HDGFL3: variants seen among roughly 807,000 people sequenced by gnomAD.
HDGFL3 encodes HDGF like 3.
A neutral mutation model predicts 27.6 loss-of-function variants in HDGFL3; 6 were observed. That is an observed-to-expected ratio of 0.22 (90% CI 0.12 to 0.43). The LOEUF (loss-of-function observed/expected upper bound fraction) is 0.43, where lower values mean the gene tolerates loss of function less well. HDGFL3 is among the 20% of genes least tolerant of loss of function. The probability of loss-of-function intolerance (pLI) is 1.00; values close to 1 mark genes in which losing one functional copy is unlikely to be tolerated. For synonymous variants in HDGFL3, 88 were observed against 88.9 expected (o/e 0.99, Z 0.05); for missense variants, 207 against 250.1 (o/e 0.83, Z 1.16).
Position 83,132,325 on chromosome 15 carries a change from C to T in HDGFL3, c.*6945G>A, listed in dbSNP as rs558601398. On this transcript the variant is annotated 3_prime_UTR_variant, in exon 6 of 6. Coordinates refer to ENST00000299633, the MANE Select transcript of HDGFL3 (RefSeq NM_016073.4). ...AAATTAAGTGTATTGTATATAATTA[C>T]CAAGAAAACAAAGAAACTGGGTGAA... 1 of 152,126 alleles carries T rather than the reference C, an allele frequency of 6.6e-6. No individual in the cohort carries two copies. Among genetic ancestry groups the T allele is most frequent in the Non-Finnish European group, 1.5e-5 (1 of 68,022 alleles). The allele number at this position is 152,126 out of a possible 1,614,324, so 9.4% of individuals were successfully genotyped here.
chr15:83,145,330 A>G (rs1015087800), intron 5 of HDGFL3, among the ~76,000 whole-genome samples: 1 of 152,050 alleles, frequency 6.6e-6, no homozygotes, highest in Non-Finnish European at 1.5e-5. Context: ...GGGCCCCCTG[A>G]AAACCACGGT....
intron 2 of HDGFL3, among the ~76,000 whole-genome samples, chr15:83,158,936 C>T (rs548392510): frequency 8.5e-4 from 129 of 152,002 alleles, no homozygotes; most frequent in African/African-American, 2.8e-3. Flanking sequence ...CTCCATCTCC[C>T]GGGTTCAAGG....
chr15:83,179,126 C>G (rs967179789), intron 1 of HDGFL3: 1 of 152,194 alleles, frequency 6.6e-6, no homozygotes, highest in Admixed American at 6.5e-5. Flanking sequence ...CCTGTAGGAA[C>G]CAGGTGGTAC....
chr15:83,127,200 TAAATAAATA>T (rs2035845920), downstream of HDGFL3, among the ~76,000 whole-genome samples: 1 of 133,576 alleles, frequency 7.5e-6, no homozygotes, highest in Non-Finnish European at 1.6e-5. Flanking sequence ...CCTAAAAAAA[TAAATAAATA>T]AAAATAAAAG....
chr15:83,165,954 TA>T (rs1434542283), intron 1 of HDGFL3, among the ~76,000 whole-genome samples: 8 of 151,712 alleles, frequency 5.3e-5, no homozygotes, highest in Non-Finnish European at 2.9e-5. Flanking sequence ...CAGAATTATA[TA>T]AAATGACCAA....
At chr15:83,182,167 T>C (rs2037389324) in intron 1 of HDGFL3, among the ~76,000 whole-genome samples, 1 of 152,212 alleles carries the variant, frequency 6.6e-6, no homozygotes, top group African/African-American at 2.4e-5. Flanking sequence ...TTAGTCATTC[T>C]AGTAGGCATG....
At chr15:83,202,549 G>GAA (rs1475873408) in intron 1 of HDGFL3, among the ~76,000 whole-genome samples, 1 of 151,760 alleles carries the variant, frequency 6.6e-6, no homozygotes, top group Non-Finnish European at 1.5e-5. Context: ...GTGAGGACTC[G>GAA]AAGGAAAAAA....
chr15:83,182,628 A>G (rs1416029307), intron 1 of HDGFL3, among the ~76,000 whole-genome samples: 2 of 152,222 alleles, frequency 1.3e-5, no homozygotes, highest in Non-Finnish European at 2.9e-5. Context: ...AAATCTGAGT[A>G]TGATTACCTC....
exon 4 of HDGFL3, chr15:83,112,790 G>A (rs1350113907): frequency 1.4e-5 from 22 of 1,607,780 alleles, no homozygotes; most frequent in African/African-American, 9.4e-5. Context: ...TGTTCTGGTC[G>A]TTGCAGTTCC....
chr15:83,118,233 ACACACACAC>A, intron 3 of HDGFL3, among the ~76,000 whole-genome samples: 1 of 62,164 alleles, frequency 1.6e-5, no homozygotes, highest in Middle Eastern at 6.6e-3. Flanking sequence ...CTGTACGTAC[ACACACACAC>A]ACACACACAC....
chr15:83,203,807 T>C (rs1018052318), intron 1 of HDGFL3, among the ~76,000 whole-genome samples: 1 of 151,530 alleles, frequency 6.6e-6, no homozygotes, highest in African/African-American at 2.4e-5. Flanking sequence ...TTGTGTTTAT[T>C]TTATGCTGTA....
chr15:83,199,813 C>T (rs866265226), intron 1 of HDGFL3, among the ~76,000 whole-genome samples: 17 of 151,506 alleles, frequency 1.1e-4, no homozygotes, highest in Non-Finnish European at 1.3e-4. Context: ...GAGGCCGAGG[C>T]GGGTGGATCA....
intron 2 of HDGFL3, among the ~76,000 whole-genome samples, chr15:83,163,254 T>C (rs538595383): frequency 1.3e-5 from 2 of 152,360 alleles, no homozygotes; most frequent in East Asian, 3.9e-4. Flanking sequence ...AGATCTACTG[T>C]ATGTAACTTC....
chr15:83,201,126 A>G (rs1188567981), intron 1 of HDGFL3, among the ~76,000 whole-genome samples: 8 of 152,066 alleles, frequency 5.3e-5, no homozygotes, highest in African/African-American at 1.4e-4. Flanking sequence ...TAGGACCACT[A>G]TTGACCTTTA....
At chr15:83,206,195 G>T (rs953357998) in intron 1 of HDGFL3, among the ~76,000 whole-genome samples, 1 of 152,148 alleles carries the variant, frequency 6.6e-6, no homozygotes, top group Admixed American at 6.5e-5. Flanking sequence ...GGCCACTCGT[G>T]ATGTCACTTC....
intron 1 of HDGFL3, among the ~76,000 whole-genome samples, chr15:83,170,394 G>C (rs2037231249): frequency 6.6e-6 from 1 of 152,128 alleles, no homozygotes; most frequent in South Asian, 2.1e-4. Context: ...GAATAGAAAA[G>C]AGAACCCAGA....
At chr15:83,179,129 G>C (rs185535174) in intron 1 of HDGFL3, 1 of 152,176 alleles carries the variant, frequency 6.6e-6, no homozygotes, top group African/African-American at 2.4e-5. Context: ...GTAGGAACCA[G>C]GTGGTACCTT....
chr15:83,186,571 T>A (rs1462318154), intron 1 of HDGFL3, among the ~76,000 whole-genome samples: 1 of 152,232 alleles, frequency 6.6e-6, no homozygotes, highest in Non-Finnish European at 1.5e-5. Flanking sequence ...TGAAATAATA[T>A]CTTCTACAGC....
intron 1 of HDGFL3, among the ~76,000 whole-genome samples, chr15:83,165,628 T>C (rs2037160214): frequency 6.6e-6 from 1 of 151,656 alleles, no homozygotes; most frequent in African/African-American, 2.4e-5. Context: ...TCACTTCTTT[T>C]ACTAAAAATG....
Sources: gnomAD v4.1 joint callset for allele counts (sites outside exome capture counted in the v4.1 genomes callset) on GRCh38, gnomAD v4.1.1 for gene constraint, MANE v1.5 for transcripts, NCBI Gene and HGNC (gene_info 2026-07-23, HGNC 2026-07-21) for gene names.